ABCB1: variants seen among roughly 807,000 people sequenced by gnomAD.
The protein encoded by ABCB1 is ATP-dependent translocase ABCB1.
A neutral mutation model predicts 142.0 loss-of-function variants in ABCB1; 69 were observed. The observed-to-expected ratio is 0.49, with a 90% CI of 0.40 to 0.59. The LOEUF (loss-of-function observed/expected upper bound fraction) is 0.59. Among genes scored for constraint, ABCB1 ranks in the 20% least tolerant of loss-of-function variants. ABCB1 has a pLI of 0.00. For synonymous variants in ABCB1, 532 were observed against 539.2 expected, an observed-to-expected ratio of 0.99 and a Z score of 0.18; for missense variants, 1,326 against 1,554.7, an observed-to-expected ratio of 0.85 and a Z score of 2.47.
In ABCB1 at chr7:87,626,398, CAT is replaced by C. The variant is rs1231568769; in HGVS notation, c.-330-25322_-330-25321del. On this transcript the variant is annotated intron_variant, in intron 1 of 28. Transcript: ENST00000265724. ...ATATGTATGTGTCATATATATGTGTCATATGTATGTGTCATATATATGTGTCA... is the reference window on the plus strand; with the variant it reads ...ATATGTATGTGTCATATATATGTGTCATGTATGTGTCATATATATGTGTCA... Among the ~76,000 whole-genome samples, 2 of 21,650 alleles carry C rather than the reference CAT, an allele frequency of 9.2e-5. 1 individual carries two copies. The highest frequency in any genetic ancestry group is 1.3e-4 in the Non-Finnish European group (2 of 15,796). The allele number at this position is 21,650 out of a possible 152,430, so 14.2% of individuals were successfully genotyped here.
intron 3 of ABCB1, among the ~76,000 whole-genome samples, chr7:87,591,917 A>G (rs185472397): frequency 1.2e-4 from 19 of 152,326 alleles, no homozygotes; most frequent in Admixed American, 9.2e-4. Context: ...CACAAGAAAA[A>G]GCCAAAGAGC....
At chr7:87,686,755 C>T (rs1827499865) in intron 1 of ABCB1, among the ~76,000 whole-genome samples, 1 of 137,190 alleles carries the variant, frequency 7.3e-6, no homozygotes. Context: ...ACCTGGGCAA[C>T]ATGGTGAAAC....
At chr7:87,585,723 A>C in intron 3 of ABCB1, 43 bp from the exon 4 acceptor site, 1 of 1,596,312 alleles carries the variant, frequency 6.3e-7, no homozygotes, top group Non-Finnish European at 8.5e-7. Flanking sequence ...AAATTAGTAC[A>C]GTTTCATGGA....
At chr7:87,607,773 T>A (rs1330633951) in intron 1 of ABCB1, among the ~76,000 whole-genome samples, 1 of 152,150 alleles carries the variant, frequency 6.6e-6, no homozygotes, top group African/African-American at 2.4e-5. Context: ...CTAAAACTTT[T>A]ATTGATCACT....
At chr7:87,511,654 C>A (rs1815014067) in intron 25 of ABCB1, among the ~76,000 whole-genome samples, 1 of 152,162 alleles carries the variant, frequency 6.6e-6, no homozygotes, top group African/African-American at 2.4e-5. Flanking sequence ...AGTTAAGTAA[C>A]TTATACAAGG....
At chr7:87,603,602 C>T (rs1229140070), upstream of ABCB1, among the ~76,000 whole-genome samples, 1 of 152,248 alleles carries the variant, frequency 6.6e-6, no homozygotes, top group Non-Finnish European at 1.5e-5. Context: ...TCAACATGTA[C>T]ATGTTCACTC....
intron 4 of ABCB1, 118 bp from the exon 5 acceptor site, chr7:87,570,341 T>C: frequency 2.0e-6 from 2 of 1,003,260 alleles, no homozygotes; most frequent in Non-Finnish European, 3.1e-6. Flanking sequence ...TAGGTCGAAC[T>C]GACTCAGTTT....
chr7:87,615,053 G>T lies in ABCB1; in HGVS notation c.-330-13975C>A, dbSNP rs570674294. Among the ~76,000 whole-genome samples the T allele has an allele frequency of 1.4e-4, 21 of 152,242 alleles. No homozygotes were observed. The East Asian group carries it at 3.3e-3, about 24-fold the overall frequency. On this transcript the variant is annotated intron_variant, in intron 1 of 28. Transcript: ENST00000265724. ...GTAGAGACGGGGTTTCACCGTGTTAGCCAGGATGGTCTTGATCTCCTGACC... is the reference window on the plus strand; with the variant it reads ...GTAGAGACGGGGTTTCACCGTGTTATCCAGGATGGTCTTGATCTCCTGACC...
At chr7:87,556,497 G>A (rs959566266) in intron 8 of ABCB1, among the ~76,000 whole-genome samples, 2 of 152,168 alleles carry the variant, frequency 1.3e-5, no homozygotes, top group Non-Finnish European at 2.9e-5. Context: ...ACTTTATGTA[G>A]AAGCAGAGAA....
chr7:87,614,055 TA>T (rs1167080821), intron 1 of ABCB1, among the ~76,000 whole-genome samples: 2 of 151,444 alleles, frequency 1.3e-5, no homozygotes, highest in Admixed American at 6.6e-5. Flanking sequence ...CTAAATATTG[TA>T]TTTTTTTTTT....
At chr7:87,704,037 C>T (rs1829377710) in intron 1 of ABCB1, among the ~76,000 whole-genome samples, 2 of 149,762 alleles carry the variant, frequency 1.3e-5, no homozygotes, top group Admixed American at 6.7e-5. Flanking sequence ...TCTCCTGCCT[C>T]AACCTCCTGA....
At chr7:87,619,865 C>T (rs184804236) in intron 1 of ABCB1, among the ~76,000 whole-genome samples, 4 of 151,920 alleles carry the variant, frequency 2.6e-5, no homozygotes, top group Admixed American at 6.5e-5. Context: ...GTTCAAGGGG[C>T]GATCATTAAT....
chr7:87,635,644 A>G (rs753347616), intron 1 of ABCB1, among the ~76,000 whole-genome samples: 4 of 152,100 alleles, frequency 2.6e-5, no homozygotes, highest in Non-Finnish European at 5.9e-5. Context: ...TACTTTCCAT[A>G]TAGAAAAGTA....
intron 20 of ABCB1, among the ~76,000 whole-genome samples, chr7:87,533,721 G>A (rs888540075): frequency 3.3e-5 from 5 of 152,108 alleles, no homozygotes; most frequent in Admixed American, 2.6e-4. Flanking sequence ...GTTGAGGGGA[G>A]GAACTAAAAC....
At chr7:87,555,433 G>T (rs1416728743) in intron 8 of ABCB1, among the ~76,000 whole-genome samples, 1 of 152,118 alleles carries the variant, frequency 6.6e-6, no homozygotes, top group Non-Finnish European at 1.5e-5. Context: ...TGGAGAACTT[G>T]TTCCATTAGC....
At chr7:87,519,233 G>A in intron 23 of ABCB1, 93 bp downstream of exon 23, 1 of 1,259,394 alleles carries the variant, frequency 7.9e-7, no homozygotes, top group Non-Finnish European at 1.2e-6. Flanking sequence ...ATCTCTTCAT[G>A]AGGCTTCACA....
At chr7:87,520,939 T>C (rs1217357128) in intron 21 of ABCB1, 63 bp from the exon 22 acceptor site, 3 of 1,207,518 alleles carry the variant, frequency 2.5e-6, no homozygotes, top group Non-Finnish European at 3.7e-6. Context: ...TAATTTGAAT[T>C]CTATAAAACA....
At chr7:87,544,056 A>G in intron 17 of ABCB1, 73 bp downstream of exon 17, 1 of 1,575,410 alleles carries the variant, frequency 6.3e-7, no homozygotes, top group Non-Finnish European at 8.7e-7. Flanking sequence ...CCCAGTTCAG[A>G]CACAAGCACT....
rs536570385 is a variant in ABCB1, at chr7:87,633,040, T to C, written c.-330-31962A>G. Reference sequence around the variant, plus strand: ...AGTGTTTTTAATAACATATGAATAGTCTTAGTTTTCTATAGGTCATGATAT... The same window carrying C: ...AGTGTTTTTAATAACATATGAATAGCCTTAGTTTTCTATAGGTCATGATAT... On this transcript the variant is annotated intron_variant, in intron 1 of 28. Coordinates refer to the ABCB1 transcript ENST00000265724. Among the ~76,000 whole-genome samples, 12 of 152,332 alleles carry C rather than the reference T, an allele frequency of 7.9e-5. No homozygotes were observed. The South Asian group carries it at 2.5e-3, about 32-fold the overall frequency.
Sources: allele counts gnomAD v4.1 joint callset (sites outside exome capture counted in the v4.1 genomes callset), GRCh38; gene constraint gnomAD v4.1.1; transcripts MANE v1.5; gene names NCBI Gene and HGNC (gene_info 2026-07-23, HGNC 2026-07-21).